PEX5L: variants seen among roughly 807,000 people sequenced by gnomAD.
PEX5L encodes the protein peroxisomal biogenesis factor 5 like, also known as PEX5-related protein.
PEX5L carries 30 observed loss-of-function variants against 84.0 expected under a neutral mutation model. That is an observed-to-expected ratio of 0.36 (90% CI 0.27 to 0.48). PEX5L has a LOEUF of 0.48. PEX5L is among the 20% of genes least tolerant of loss of function. The pLI, the probability that PEX5L is intolerant of heterozygous loss-of-function variation, is 0.99. For missense variants in PEX5L, 533 were observed against 754.6 expected (o/e 0.71, Z 3.44); for synonymous variants, 270 against 283.1 (o/e 0.95, Z 0.46).
intron 7 of PEX5L, among the ~76,000 whole-genome samples, chr3:179,866,197 G>T (rs140614252): frequency 5.9e-5 from 9 of 152,234 alleles, no homozygotes; most frequent in African/African-American, 1.9e-4. Context: ...CTTTGTTCTA[G>T]CAAAACTCCG....
intron 2 of PEX5L, among the ~76,000 whole-genome samples, chr3:179,955,106 ATTTAT>A (rs1246818460): frequency 6.6e-6 from 1 of 152,092 alleles, no homozygotes; most frequent in Non-Finnish European, 1.5e-5. Context: ...TGACACATAT[ATTTAT>A]TTTATTTTTT....
chr3:179,990,983 C>T (rs1479983149), intron 1 of PEX5L, among the ~76,000 whole-genome samples: 2 of 152,032 alleles, frequency 1.3e-5, no homozygotes, highest in African/African-American at 4.8e-5. Context: ...TCTATAATAC[C>T]CCCAATGGAC....
At chr3:179,873,103 G>T (rs1750922902) in intron 7 of PEX5L, among the ~76,000 whole-genome samples, 1 of 152,096 alleles carries the variant, frequency 6.6e-6, no homozygotes. Context: ...ATTTGCTGAA[G>T]ATTTCTTCTC....
At chr3:180,021,947 T>C (rs1790461345) in intron 1 of PEX5L, among the ~76,000 whole-genome samples, 1 of 152,212 alleles carries the variant, frequency 6.6e-6, no homozygotes, top group African/African-American at 2.4e-5. Context: ...CAAAAACACA[T>C]GTATTTTAAC....
At chr3:179,814,466 A>G (rs536104290) in intron 10 of PEX5L, among the ~76,000 whole-genome samples, 94 of 152,312 alleles carry the variant, frequency 6.2e-4, no homozygotes, top group African/African-American at 2.1e-3. Context: ...ATCTGAACCT[A>G]TGCAGTTGGG....
rs868662762 is a variant in PEX5L, at chr3:180,025,842, A to G, written c.21+10737T>C. Among the ~76,000 whole-genome samples, 3 of 152,252 alleles carry G rather than the reference A, an allele frequency of 2.0e-5. No homozygotes were observed. In the South Asian group the frequency reaches 6.2e-4, roughly 31 times the overall value. ...AAAAACATAAGAGCTAGTATAATTG[A>G]TAAATTATTATATTCTAAGACCCTT... On this transcript the variant is annotated intron_variant, in intron 1 of 14. Coordinates refer to ENST00000467460, the MANE Select transcript of PEX5L (RefSeq NM_016559.3).
intron 1 of PEX5L, among the ~76,000 whole-genome samples, chr3:179,976,303 T>A (rs1007725877): frequency 2.0e-5 from 3 of 152,194 alleles, no homozygotes; most frequent in Admixed American, 6.5e-5. Flanking sequence ...ATTTTGGAAG[T>A]CATTAACGAC....
intron 8 of PEX5L, among the ~76,000 whole-genome samples, chr3:179,844,222 G>A (rs986020067): frequency 4.6e-5 from 7 of 152,178 alleles, no homozygotes; most frequent in African/African-American, 1.4e-4. Flanking sequence ...ATGCAAAGCC[G>A]TTATTTAGAA....
chr3:179,911,277 T>C (rs1765085990), intron 2 of PEX5L, among the ~76,000 whole-genome samples: 1 of 152,180 alleles, frequency 6.6e-6, no homozygotes, highest in Non-Finnish European at 1.5e-5. Flanking sequence ...CCTAGCCCAG[T>C]GGAATGTGGC....
intron 1 of PEX5L, chr3:179,973,973 G>A: frequency 1.0e-6 from 1 of 985,314 alleles, no homozygotes; most frequent in Non-Finnish European, 1.2e-6. Flanking sequence ...AACCCCGGGG[G>A]GATTAATCCT....
At chr3:179,850,275 C>T (rs2108443356) in intron 8 of PEX5L, among the ~76,000 whole-genome samples, 1 of 152,004 alleles carries the variant, frequency 6.6e-6, no homozygotes, top group East Asian at 1.9e-4. Flanking sequence ...TACAGGCATG[C>T]ACCATCATGC....
rs1717787295 is a variant in PEX5L, at chr3:179,798,192, G to A, written c.*3636C>T. On this transcript the variant is annotated 3_prime_UTR_variant, in exon 15 of 15. Coordinates refer to ENST00000467460, the MANE Select transcript of PEX5L (RefSeq NM_016559.3). Reference sequence around the variant, plus strand: ...AGGAAAGTGGCATGAAACTCTAAAAGTGAGTTTGTGAAACGTAAGTGGACA... The same window carrying A: ...AGGAAAGTGGCATGAAACTCTAAAAATGAGTTTGTGAAACGTAAGTGGACA... 2 of 152,184 alleles carry A rather than the reference G, an allele frequency of 1.3e-5. No individual in the cohort carries two copies. The highest frequency in any genetic ancestry group is 6.5e-5 in the Admixed American group (1 of 15,282). 9.4% of individuals were successfully genotyped at this position (152,184 alleles called of 1,614,324 possible).
At chr3:179,838,022 A>G (rs1735647717) in intron 8 of PEX5L, among the ~76,000 whole-genome samples, 1 of 152,216 alleles carries the variant, frequency 6.6e-6, no homozygotes, top group Non-Finnish European at 1.5e-5. Flanking sequence ...GTAGCCATCC[A>G]TCAAATACCT....
At chr3:179,859,369 A>C (rs529035968) in intron 7 of PEX5L, among the ~76,000 whole-genome samples, 2 of 152,306 alleles carry the variant, frequency 1.3e-5, no homozygotes, top group South Asian at 4.1e-4. Flanking sequence ...TTCTTCCAAC[A>C]GTGGGTCTCA....
At chr3:179,865,080 G>C (rs1274110457) in intron 7 of PEX5L, among the ~76,000 whole-genome samples, 1 of 152,072 alleles carries the variant, frequency 6.6e-6, no homozygotes, top group Non-Finnish European at 1.5e-5. Context: ...GGATGCAAAG[G>C]GCACTGGAAG....
At chr3:179,972,416 G>A (rs1360308704) in intron 1 of PEX5L, among the ~76,000 whole-genome samples, 1 of 151,678 alleles carries the variant, frequency 6.6e-6, no homozygotes, top group Non-Finnish European at 1.5e-5. Context: ...TTTTACACTT[G>A]TGCTACAGCA....
intron 2 of PEX5L, among the ~76,000 whole-genome samples, chr3:179,935,176 T>C (rs1774245131): frequency 6.6e-6 from 1 of 152,158 alleles, no homozygotes; most frequent in Non-Finnish European, 1.5e-5. Flanking sequence ...ATGATACTTT[T>C]GAATAATTTA....
At chr3:180,030,072 C>G (rs370898623) in intron 1 of PEX5L, among the ~76,000 whole-genome samples, 38 of 152,312 alleles carry the variant, frequency 2.5e-4, no homozygotes, top group African/African-American at 9.1e-4. Context: ...TGGCAGGGCT[C>G]TGTCAGAGGC....
intron 8 of PEX5L, among the ~76,000 whole-genome samples, chr3:179,853,537 T>G (rs970298731): frequency 6.6e-6 from 1 of 152,174 alleles, no homozygotes; most frequent in Non-Finnish European, 1.5e-5. Flanking sequence ...CTTCGCAGTT[T>G]GTCACTCCTG....
Sources: gnomAD v4.1 joint callset for allele counts (sites outside exome capture counted in the v4.1 genomes callset) on GRCh38, gnomAD v4.1.1 for gene constraint, MANE v1.5 for transcripts, NCBI Gene and HGNC (gene_info 2026-07-23, HGNC 2026-07-21) for gene names.